The following PTCHD4 variants were observed in gnomAD, a reference collection of about 807,000 sequenced individuals.
The protein encoded by PTCHD4 is patched domain-containing protein 4.
Under a neutral mutation model 58.1 loss-of-function variants are expected in PTCHD4, and 33 were observed. The ratio of observed to expected loss-of-function variants is 0.57; its 90% confidence interval spans 0.43 to 0.76. PTCHD4 has a LOEUF of 0.76. Among genes scored for constraint, PTCHD4 ranks in the 30% least tolerant of loss-of-function variants. The pLI is 0.00. For synonymous variants in PTCHD4, 478 were observed against 409.6 expected (o/e 1.17, Z -2.02); for missense variants, 1,058 against 1,027.1 (o/e 1.03, Z -0.41).
At chr6:47,959,401 T>A (rs186977233) in intron 4 of PTCHD4, among the ~76,000 whole-genome samples, 35 of 152,184 alleles carry the variant, frequency 2.3e-4, no homozygotes, top group Admixed American at 2.1e-3. Flanking sequence ...CAAAAATGCT[T>A]AAAAAGGAAC....
Position 48,083,233 on chromosome 6 carries a change from T to C in PTCHD4, c.-969-13307A>G, listed in dbSNP as rs1765200038. 2.0e-5 allele frequency among the ~76,000 whole-genome samples: 3 copies of C among 151,632 alleles called. No homozygotes were observed. In the South Asian group the frequency reaches 6.2e-4, roughly 31 times the overall value. On this transcript the variant is annotated intron_variant, in intron 1 of 4. Transcript: ENST00000339488. ...TAAAGGGCTAGATATTTTAGGCTTA[T>C]GGGCTAAAAGGCAAAATAGAGAATA...
intron 4 of PTCHD4, chr6:47,890,809 AC>A (rs1374020612): frequency 1.4e-6 from 1 of 736,670 alleles, no homozygotes; most frequent in East Asian, 1.3e-4. Context: ...GCCAGCACAC[AC>A]AGGATGGCTT....
chr6:48,098,530 G>C (rs538891136), intron 1 of PTCHD4, among the ~76,000 whole-genome samples: 2 of 152,096 alleles, frequency 1.3e-5, no homozygotes, highest in East Asian at 1.9e-4. Context: ...GTAGAGGCAG[G>C]GTTTCACCAT....
intron 4 of PTCHD4, chr6:47,901,820 A>G: frequency 7.8e-7 from 1 of 1,288,052 alleles, no homozygotes; most frequent in Non-Finnish European, 1.0e-6. Flanking sequence ...GTCTTCACAT[A>G]TAATCTTCCA....
In PTCHD4 at chr6:47,871,824, A is replaced by G. The variant is rs1290230989; in HGVS notation, c.*6479T>C. 6.6e-6 allele frequency among the ~76,000 whole-genome samples: 1 copy of G among 151,648 alleles called. No homozygotes were observed. On this transcript the variant is annotated 3_prime_UTR_variant, in exon 5 of 5. Transcript: ENST00000339488. ...GCAAAAAAGTCTACTGCTGAAAAAT[A>G]TGCATAATTAACAGGAAAGTATAAT...
intron 3 of PTCHD4, among the ~76,000 whole-genome samples, chr6:48,064,938 C>A (rs751923709): frequency 2.5e-4 from 38 of 152,030 alleles, no homozygotes; most frequent in Admixed American, 2.4e-3. Flanking sequence ...TGTATATGTA[C>A]CATTTCTTTT....
At chr6:48,092,006 TACAC>T (rs201644356) in intron 1 of PTCHD4, among the ~76,000 whole-genome samples, 1 of 149,450 alleles carries the variant, frequency 6.7e-6, no homozygotes, top group African/African-American at 2.5e-5. Flanking sequence ...CACACACACA[TACAC>T]ACACACACAT....
chr6:48,108,028 T>C (rs1212872883), intron 1 of PTCHD4, among the ~76,000 whole-genome samples: 1 of 152,174 alleles, frequency 6.6e-6, no homozygotes, highest in Non-Finnish European at 1.5e-5. Context: ...TCAACCATTG[T>C]GGAAGTCAGT....
intron 4 of PTCHD4, among the ~76,000 whole-genome samples, chr6:47,995,218 A>T (rs143616093): frequency 1.3e-3 from 196 of 152,334 alleles, no homozygotes; most frequent in African/African-American, 4.2e-3. Flanking sequence ...TCATCTTGGC[A>T]AAAGTTTACC....
chr6:48,094,395 A>T (rs887587760), intron 1 of PTCHD4, among the ~76,000 whole-genome samples: 1 of 152,186 alleles, frequency 6.6e-6, no homozygotes, highest in Admixed American at 6.5e-5. Context: ...TGCTGGGTTG[A>T]TAGATAAGGG....
intron 1 of PTCHD4, among the ~76,000 whole-genome samples, chr6:48,097,905 G>C (rs1384958176): frequency 6.6e-6 from 1 of 152,190 alleles, no homozygotes; most frequent in African/African-American, 2.4e-5. Flanking sequence ...GCAAGAATGA[G>C]AGGGTACAGG....
intron 3 of PTCHD4, among the ~76,000 whole-genome samples, chr6:48,019,466 G>T (rs908425941): frequency 3.9e-5 from 6 of 152,176 alleles, no homozygotes; most frequent in African/African-American, 1.4e-4. Context: ...GCCGGGCGCT[G>T]TGGCTCACGC....
chr6:48,066,827 G>A (rs1426531451), intron 3 of PTCHD4, among the ~76,000 whole-genome samples: 3 of 151,274 alleles, frequency 2.0e-5, no homozygotes, highest in African/African-American at 4.9e-5. Flanking sequence ...AGGTTATAAG[G>A]TTTCCCTGAA....
At chr6:47,919,006 T>C (rs1419741439) in intron 4 of PTCHD4, among the ~76,000 whole-genome samples, 9 of 152,166 alleles carry the variant, frequency 5.9e-5, no homozygotes, top group Non-Finnish European at 7.4e-5. Context: ...CCCGTAGTGA[T>C]AGCCAAGCAA....
At chr6:47,959,486 G>T (rs1255200412) in intron 4 of PTCHD4, among the ~76,000 whole-genome samples, 1 of 152,034 alleles carries the variant, frequency 6.6e-6, no homozygotes, top group East Asian at 1.9e-4. Context: ...GGATAGGAAT[G>T]GGGGAGCAGA....
intron 4 of PTCHD4, among the ~76,000 whole-genome samples, chr6:47,940,549 G>C: frequency 6.6e-6 from 1 of 152,278 alleles, no homozygotes; most frequent in Non-Finnish European, 1.5e-5. Flanking sequence ...AGCCTTTCTA[G>C]GTCATTGTAC....
intron 1 of PTCHD4, among the ~76,000 whole-genome samples, chr6:48,083,416 A>T (rs1197980154): frequency 6.6e-6 from 1 of 152,164 alleles, no homozygotes; most frequent in Non-Finnish European, 1.5e-5. Context: ...GAAGAATGGA[A>T]TTCTTTTTGG....
At chr6:48,097,285 A>C (rs977164338) in intron 1 of PTCHD4, among the ~76,000 whole-genome samples, 4 of 152,178 alleles carry the variant, frequency 2.6e-5, no homozygotes, top group Middle Eastern at 3.2e-3. Flanking sequence ...TATTGTTAAG[A>C]TGTGGAAATT....
chr6:48,097,166 A>C (rs147897597), intron 1 of PTCHD4, among the ~76,000 whole-genome samples: 3 of 152,110 alleles, frequency 2.0e-5, no homozygotes, highest in Non-Finnish European at 4.4e-5. Flanking sequence ...AAAGCTTATA[A>C]AATTTAAATG....
Sources: gnomAD v4.1 joint callset for allele counts (sites outside exome capture counted in the v4.1 genomes callset) on GRCh38, gnomAD v4.1.1 for gene constraint, MANE v1.5 for transcripts, NCBI Gene and HGNC (gene_info 2026-07-23, HGNC 2026-07-21) for gene names.